Variants in BDNF observed in about 807,000 individuals in gnomAD.
BDNF encodes the protein neurotrophic factor BDNF precursor form.
A neutral mutation model predicts 19.5 loss-of-function variants in BDNF; 1 was observed. The observed-to-expected ratio is 0.05, with a 90% CI of 0.02 to 0.24. The LOEUF (loss-of-function observed/expected upper bound fraction) is 0.24. BDNF is among the 10% of genes least tolerant of loss of function. The pLI is 1.00. For synonymous variants in BDNF, 100 were observed against 121.6 expected, an observed-to-expected ratio of 0.82 and a Z score of 1.17; for missense variants, 195 against 317.6, an observed-to-expected ratio of 0.61 and a Z score of 2.93.
intron 1 of BDNF, among the ~76,000 whole-genome samples, chr11:27,682,302 G>A (rs909482115): frequency 2.0e-5 from 3 of 151,712 alleles, no homozygotes; most frequent in Non-Finnish European, 4.4e-5. Context: ...GATCTCATAT[G>A]TATATATATT....
Position 27,657,449 on chromosome 11 carries a change from T to TTG in BDNF, c.*370_*371dup, listed in dbSNP as rs1016135594. The TTG allele has an allele frequency of 3.0e-5, 30 of 1,005,866 alleles. No homozygotes were observed. The highest frequency in any genetic ancestry group is 1.2e-4 in the Admixed American group (2 of 16,514). 62.3% of individuals were successfully genotyped at this position (1,005,866 alleles called of 1,614,324 possible). On this transcript the variant is annotated 3_prime_UTR_variant, in exon 2 of 2. Coordinates refer to ENST00000356660, the MANE Select transcript of BDNF (RefSeq NM_001709.5). This position sits in a 1 kb window ranked among gnomAD's most constrained non-coding sequence, Gnocchi z 5.0. Reference sequence around the variant, plus strand: ...CGGAATGTTTTGGTTCAAATTTTTGTTGTGTGTGTGTGTGTTTTTTTTCTG... The same window carrying TTG: ...CGGAATGTTTTGGTTCAAATTTTTGTTGTGTGTGTGTGTGTGTTTTTTTTCTG...
chr11:27,667,293 G>A (rs1006992512), intron 1 of BDNF, among the ~76,000 whole-genome samples: 91 of 152,162 alleles, frequency 6.0e-4, no homozygotes, highest in Non-Finnish European at 1.2e-3. Flanking sequence ...GGAACAACCA[G>A]TACCAGCCAC....
chr11:27,690,814 T>A (rs1858148795), intron 1 of BDNF, among the ~76,000 whole-genome samples: 1 of 152,130 alleles, frequency 6.6e-6, no homozygotes, highest in Non-Finnish European at 1.5e-5. Flanking sequence ...TAAGTTTTTT[T>A]AGGGGGAAAC....
chr11:27,688,676 C>T (rs937958046), intron 1 of BDNF, among the ~76,000 whole-genome samples: 5 of 152,152 alleles, frequency 3.3e-5, no homozygotes, highest in African/African-American at 1.2e-4. Flanking sequence ...TTCCCCTGAC[C>T]CCTTGCGCTT....
At chr11:27,720,942 C>T (rs1212766998) in intron 1 of BDNF, among the ~76,000 whole-genome samples, 2 of 147,830 alleles carry the variant, frequency 1.4e-5, no homozygotes, top group East Asian at 4.0e-4. Flanking sequence ...TCTCTCCCCC[C>T]AACCCCACCC....
At chr11:27,666,611 C>A (rs1224426265) in intron 1 of BDNF, among the ~76,000 whole-genome samples, 2 of 152,016 alleles carry the variant, frequency 1.3e-5, no homozygotes, top group African/African-American at 2.4e-5. Context: ...AACCATGGCA[C>A]GAGAACTATG....
rs1027666600 is a variant in BDNF, at chr11:27,699,703, A to G, written c.-22+461T>C. 18 of 1,396,122 alleles carry G rather than the reference A, an allele frequency of 1.3e-5. No individual in the cohort carries two copies. The African/African-American group carries it at 2.2e-4, about 17-fold the overall frequency. 86.5% of individuals were successfully genotyped at this position (1,396,122 alleles called of 1,614,324 possible). On this transcript the variant is annotated intron_variant, in intron 1 of 1. Transcript: ENST00000356660. ...GGAAGGGATGCGGGCTGAAGGCGCA[A>G]GCTTCCCTCCCACTCCCCCCGCAAG...
At chr11:27,721,507 G>A in exon 1 of BDNF, 2 of 1,452,328 alleles carry the variant, frequency 1.4e-6, no homozygotes, top group Non-Finnish European at 1.9e-6. Flanking sequence ...AAGTCATCAT[G>A]TGAGAAGTTC....
intron 1 of BDNF, among the ~76,000 whole-genome samples, chr11:27,710,217 A>G (rs139066937): frequency 8.5e-4 from 130 of 152,334 alleles, no homozygotes; most frequent in Non-Finnish European, 1.6e-3. Flanking sequence ...TTGATTACTT[A>G]TATGCCTTTG....
chr11:27,668,869 A>C (rs2133871624), intron 1 of BDNF, among the ~76,000 whole-genome samples: 1 of 152,314 alleles, frequency 6.6e-6, no homozygotes, highest in East Asian at 1.9e-4. Context: ...AAACTATTCT[A>C]ATCAATAGAA....
chr11:27,706,241 G>A (rs554106551), intron 1 of BDNF, among the ~76,000 whole-genome samples: 35 of 152,284 alleles, frequency 2.3e-4, no homozygotes, highest in Middle Eastern at 6.8e-3. Context: ...ATTTTTGTTT[G>A]AGGCAAATAA....
At chr11:27,698,252 A>AAAAAAAAAAAAAAAAAATT (rs1859398633) in intron 1 of BDNF, 1 of 136,706 alleles carries the variant, frequency 7.3e-6, no homozygotes, top group Non-Finnish European at 1.6e-5. Context: ...AAAAAAAAAA[A>AAAAAAAAAAAAAAAAAATT]AAAAGTCTTA....
chr11:27,664,213 A>T (rs1180874156), intron 1 of BDNF, among the ~76,000 whole-genome samples: 1 of 152,192 alleles, frequency 6.6e-6, no homozygotes, highest in Non-Finnish European at 1.5e-5. Flanking sequence ...AACTATTAAG[A>T]GTTGACCTTA....
chr11:27,658,711 T>C lies in BDNF; in HGVS notation c.-21-126A>G. 6.4e-7 allele frequency: 1 copy of C among 1,573,230 alleles called. No homozygotes were observed. The highest frequency in any genetic ancestry group is 8.6e-7 in the Non-Finnish European group (1 of 1,160,044). ...GGGTCAAGGTTTTTTTATGTCTTGG[T>C]GATAAACTCCAGCTGCACCAGACAC... On this transcript the variant is annotated intron_variant, in intron 1 of 1. Coordinates refer to ENST00000356660, the MANE Select transcript of BDNF (RefSeq NM_001709.5). The surrounding 1 kb of genome is among the most constrained non-coding windows in gnomAD (Gnocchi z 5.7).
chr11:27,669,656 A>C (rs1392439823), intron 1 of BDNF, among the ~76,000 whole-genome samples: 1 of 152,200 alleles, frequency 6.6e-6, no homozygotes, highest in African/African-American at 2.4e-5. Context: ...TCCCATTCAC[A>C]ATTGTTTCAA....
chr11:27,663,128 C>T (rs1853733827), intron 1 of BDNF, among the ~76,000 whole-genome samples: 1 of 152,130 alleles, frequency 6.6e-6, no homozygotes, highest in Admixed American at 6.5e-5. Context: ...ATTTTATATA[C>T]TGTATTAGGA....
At position 27,658,610 on chromosome 11, in the gene BDNF, A is replaced by G; in HGVS notation, c.-21-25T>C. The G allele has an allele frequency of 6.2e-7, 1 of 1,614,172 alleles. No homozygotes were observed. ...ACTGTAGGGAGAAAGCAGAAACAAG[A>G]CAGAAAACTGGTTAGGGCTTTCTTT... On this transcript the variant is annotated intron_variant, in intron 1 of 1. Transcript: ENST00000356660. The surrounding 1 kb of genome is among the most constrained non-coding windows in gnomAD (Gnocchi z 5.7).
chr11:27,699,569 C>T (rs1859641197), intron 1 of BDNF: 1 of 1,520,160 alleles, frequency 6.6e-7, no homozygotes. Flanking sequence ...TTTCAGTTCC[C>T]AGCGGTAGGA....
upstream of BDNF, chr11:27,701,310 A>G: frequency 2.7e-6 from 3 of 1,128,800 alleles, no homozygotes; most frequent in Non-Finnish European, 3.3e-6. Context: ...TTCAGTCACT[A>G]CTTGTCAAAG....
Sources: gnomAD v4.1 joint callset for allele counts (sites outside exome capture counted in the v4.1 genomes callset) on GRCh38, gnomAD v4.1.1 for gene constraint, Gnocchi (gnomAD v3.1) non-coding constraint, MANE v1.5 for transcripts, NCBI Gene and HGNC (gene_info 2026-07-23, HGNC 2026-07-21) for gene names.